Variants in IGSF9B observed in about 807,000 individuals in gnomAD.
IGSF9B encodes immunoglobulin superfamily member 9B.
Under a neutral mutation model 143.7 loss-of-function variants are expected in IGSF9B, and 48 were observed. The ratio of observed to expected loss-of-function variants is 0.33; its 90% CI spans 0.26 to 0.42. The LOEUF is 0.42. Ranked by LOEUF, IGSF9B falls within the 20% of genes least tolerant of loss-of-function variation. The pLI is 1.00. For missense variants in IGSF9B, 1,706 were observed against 1,980.0 expected (o/e 0.86, Z 2.63); for synonymous variants, 903 against 833.1 (o/e 1.08, Z -1.44).
Position 133,921,353 on chromosome 11 carries a change from C to A in IGSF9B, c.2372G>T (p.Arg791Leu). Reference sequence around the variant, plus strand: ...GTCGTCGGAGGATTCTGACGGCGCTCGGAGCGTGCGGATGCTCTCGGGGCT... The same window carrying A: ...GTCGTCGGAGGATTCTGACGGCGCTAGGAGCGTGCGGATGCTCTCGGGGCT... ...KVSPESIRTLRAPSESSDDQG... is the reference protein window; with the variant it reads ...KVSPESIRTLLAPSESSDDQG... The change falls in exon 18 of 20, where the codon CGA becomes CTA. Residue 791 changes from arginine (R) to leucine (L), a missense_variant. Arg to Leu is a moderately radical substitution (Grantham distance 102). Transcript: ENST00000533871. 1 of 1,572,056 alleles carries A rather than the reference C, an allele frequency of 6.4e-7. No homozygotes were observed.
In IGSF9B at chr11:133,924,875, G is replaced by A. The variant is rs762453893; in HGVS notation, c.2064C>T (p.Ala688=). The change falls in exon 15 of 20, where the codon GCC becomes GCT. Residue 688 remains alanine, a synonymous_variant. Transcript: ENST00000533871. ...GCTCGCTGATCAGATCCTGCATGAC[G>A]GCCAGAACCCGGAACTCATACCACG... is the stretch of plus-strand genomic sequence containing the variant. ...QDTWYEFRVL[A]VMQDLISEPS... is the part of the protein sequence containing the mutation. 39 of 1,613,736 alleles carry A rather than the reference G, an allele frequency of 2.4e-5. No homozygotes were observed. Among genetic ancestry groups the A allele is most frequent in the East Asian group, 4.5e-5 (2 of 44,880 alleles).
rs1009944388 is a variant in IGSF9B, at chr11:133,948,755, G to A, written c.65-2497C>T. On this transcript the variant is annotated intron_variant, in intron 1 of 19. Coordinates refer to ENST00000533871, the MANE Select transcript of IGSF9B (RefSeq NM_001277285.4). The surrounding 1 kb of genome is among the most constrained non-coding windows in gnomAD (Gnocchi z 4.7). ...CCCAGGTGCCAGGTTACCTGGAGGA[G>A]GGCAGAGTGGGCAACAGAAGGTGGT... Among the ~76,000 whole-genome samples, 10 of 152,090 alleles carry A rather than the reference G, an allele frequency of 6.6e-5. No individual in the cohort carries two copies. The highest frequency in any genetic ancestry group is 1.5e-4 in the Non-Finnish European group (10 of 68,018).
In IGSF9B at chr11:133,919,893, G is replaced by A. The variant is rs1939480867; in HGVS notation, c.3832C>T (p.Leu1278=). Residue 1278 remains leucine, a synonymous_variant, in exon 18 of 20, where the codon CTG becomes TTG. Coordinates refer to ENST00000533871, the MANE Select transcript of IGSF9B (RefSeq NM_001277285.4). ...SYRPAMGFTT[L]ATGYPSPPPG... is the part of the protein sequence containing the mutation. ...GGAGGGGAAGGGTAGCCGGTGGCCA[G>A]AGTGGTGAAGCCCATGGCGGGCCGG... 1 of 1,581,256 alleles carries A rather than the reference G, an allele frequency of 6.3e-7. No homozygotes were observed. Among genetic ancestry groups the A allele is most frequent in the African/African-American group, 1.4e-5 (1 of 73,930 alleles).
chr11:133,942,819 G>T (rs891617310), intron 3 of IGSF9B, among the ~76,000 whole-genome samples: 1 of 152,176 alleles, frequency 6.6e-6, no homozygotes, highest in Non-Finnish European at 1.5e-5. Flanking sequence ...ATCCCCCCAA[G>T]ATTTCAAATA....
intron 1 of IGSF9B, chr11:133,951,916 T>G (rs1031054366): frequency 2.6e-5 from 8 of 302,062 alleles, no homozygotes; most frequent in Non-Finnish European, 5.6e-5. Context: ...AGCCAGAAAA[T>G]GAAGACAGTG....
At position 133,928,101 on chromosome 11, in the gene IGSF9B, G is replaced by A. The variant is rs868194513; in HGVS notation, c.1632-1010C>T. ...ATGAGCAGCAGCGTGGAGCAGCAGC[G>A]TGAAGCAGCACCGCAAGCAGCAGGG... On this transcript the variant is annotated intron_variant, in intron 12 of 19. Coordinates refer to ENST00000533871, the MANE Select transcript of IGSF9B (RefSeq NM_001277285.4). This position sits in a 1 kb window ranked among gnomAD's most constrained non-coding sequence, Gnocchi z 4.7. Among the ~76,000 whole-genome samples, 27 of 152,134 alleles carry A rather than the reference G, an allele frequency of 1.8e-4. No individual in the cohort carries two copies. The highest frequency in any genetic ancestry group is 6.3e-4 in the African/African-American group (26 of 41,424).
At chr11:133,927,563 C>T (rs1939650114) in intron 12 of IGSF9B, among the ~76,000 whole-genome samples, 1 of 152,194 alleles carries the variant, frequency 6.6e-6, no homozygotes, top group Non-Finnish European at 1.5e-5. Context: ...GCTCATTCAT[C>T]CAATCAGACT....
chr11:133,948,763 T>C lies in IGSF9B; in HGVS notation c.65-2505A>G, dbSNP rs1344638392. On this transcript the variant is annotated intron_variant, in intron 1 of 19. Coordinates refer to ENST00000533871, the MANE Select transcript of IGSF9B (RefSeq NM_001277285.4). The surrounding 1 kb of genome is among the most constrained non-coding windows in gnomAD (Gnocchi z 4.7). ...CCAGGTTACCTGGAGGAGGGCAGAG[T>C]GGGCAACAGAAGGTGGTTCCTTCCC... Among the ~76,000 whole-genome samples, 1 of 150,808 alleles carries C rather than the reference T, an allele frequency of 6.6e-6. No individual in the cohort carries two copies. The highest frequency in any genetic ancestry group is 1.5e-5 in the Non-Finnish European group (1 of 67,770).
chr11:133,916,371 G>A (rs1939382906), intron 18 of IGSF9B, among the ~76,000 whole-genome samples: 1 of 152,212 alleles, frequency 6.6e-6, no homozygotes, highest in African/African-American at 2.4e-5. Flanking sequence ...AACGCACGTG[G>A]ACAAGAGCTG....
intron 6 of IGSF9B, 126 bp from the exon 7 acceptor site, chr11:133,935,888 TC>T (rs1228503248): frequency 7.2e-7 from 1 of 1,394,932 alleles, no homozygotes; most frequent in Non-Finnish European, 9.7e-7. Context: ...CCAGGGCCCC[TC>T]CATGCAGACC....
chr11:133,933,215 T>C (rs1230971323), intron 7 of IGSF9B, among the ~76,000 whole-genome samples: 1 of 152,188 alleles, frequency 6.6e-6, no homozygotes, highest in Non-Finnish European at 1.5e-5. Context: ...GTCCTCTCAA[T>C]GTCCATTTCT....
chr11:133,922,630 G>T lies in IGSF9B; in HGVS notation c.2220C>A (p.Phe740Leu). ...TGACAAAGCAGGCAGCCAGGGTGCTGAACAGGATGGCAGCTGCCAAGAAGC... is the reference window on the plus strand; with the variant it reads ...TGACAAAGCAGGCAGCCAGGGTGCTTAACAGGATGGCAGCTGCCAAGAAGC... ...TICFLAAAIL[F>L]STLAACFVNK... is the part of the protein sequence containing the mutation. The change falls in exon 16 of 20, where the codon TTC becomes TTA. Residue 740 changes from phenylalanine to leucine, a missense_variant. Physicochemically the swap from Phe to Leu is conservative, Grantham distance 22. Transcript: ENST00000533871. The T allele has an allele frequency of 1.9e-6, 3 of 1,605,664 alleles. No individual in the cohort carries two copies. The highest frequency in any genetic ancestry group is 2.6e-6 in the Non-Finnish European group (3 of 1,176,194).
intron 3 of IGSF9B, among the ~76,000 whole-genome samples, chr11:133,939,748 T>C (rs1293689447): frequency 2.1e-4 from 29 of 139,266 alleles, no homozygotes; most frequent in South Asian, 7.2e-4. Context: ...CGCACGTCCT[T>C]GCACGCGTCA....
At chr11:133,915,995 C>A (rs1033149996) in intron 18 of IGSF9B, among the ~76,000 whole-genome samples, 4 of 152,324 alleles carry the variant, frequency 2.6e-5, no homozygotes, top group Admixed American at 6.5e-5. Context: ...CAGACCAGTG[C>A]TCTGCCTCAG....
At position 133,907,487 on chromosome 11, in the gene IGSF9B, C is replaced by T. The variant is rs1347790500; in HGVS notation, c.*1582G>A. Among the ~76,000 whole-genome samples, 1 of 152,174 alleles carries T rather than the reference C, an allele frequency of 6.6e-6. No homozygotes were observed. Among genetic ancestry groups the T allele is most frequent in the Non-Finnish European group, 1.5e-5 (1 of 68,022 alleles). On this transcript the variant is annotated 3_prime_UTR_variant, in exon 20 of 20. Coordinates refer to ENST00000533871, the MANE Select transcript of IGSF9B (RefSeq NM_001277285.4). ...ACCAAGAAGGAAATACTTCAAGGAA[C>T]CTTCATTCTAAGCCAAGCCAGAAGG... is the stretch of plus-strand genomic sequence containing the variant.
In IGSF9B at chr11:133,920,197, C is replaced by G. The variant is rs1294057381; in HGVS notation, c.3528G>C (p.Arg1176=). The G allele has an allele frequency of 6.6e-7, 1 of 1,513,372 alleles. No homozygotes were observed. The highest frequency in any genetic ancestry group is 2.3e-5 in the Admixed American group (1 of 44,164). The allele number at this position is 1,513,372 out of a possible 1,614,324, so 93.7% of individuals were successfully genotyped here. The change falls in exon 18 of 20, where the codon CGG becomes CGC. Residue 1176 remains arginine (R), a synonymous_variant. Coordinates refer to ENST00000533871, the MANE Select transcript of IGSF9B (RefSeq NM_001277285.4). Reference sequence around the variant, plus strand: ...TGGCCTGCCGAGGGCTAGGCCGGGGCCGGGGCTGGGGCTCATACCACCGGG... The same window carrying G: ...TGGCCTGCCGAGGGCTAGGCCGGGGGCGGGGCTGGGGCTCATACCACCGGG... ...LDTRWYEPQP[R]PRPSPRQARR...
At position 133,905,278 on chromosome 11, in the gene IGSF9B, A is replaced by C. The variant is rs1939194196; in HGVS notation, c.*3791T>G. 6.6e-6 allele frequency among the ~76,000 whole-genome samples: 1 copy of C among 152,064 alleles called. No homozygotes were observed. The highest frequency in any genetic ancestry group is 1.5e-5 in the Non-Finnish European group (1 of 68,010). ...GCCTGGAAAAGGCTTTTGCTAACAAAATAGGAAGAAACAGATTCCAGCCAC... is the reference window on the plus strand; with the variant it reads ...GCCTGGAAAAGGCTTTTGCTAACAACATAGGAAGAAACAGATTCCAGCCAC... On this transcript the variant is annotated 3_prime_UTR_variant, in exon 20 of 20. Coordinates refer to ENST00000533871, the MANE Select transcript of IGSF9B (RefSeq NM_001277285.4). The surrounding 1 kb of genome is among the most constrained non-coding windows in gnomAD (Gnocchi z 4.0).
chr11:133,954,601 TA>T (rs1259181204), intron 1 of IGSF9B, among the ~76,000 whole-genome samples: 1 of 152,196 alleles, frequency 6.6e-6, no homozygotes, highest in Non-Finnish European at 1.5e-5. Context: ...CATGTCCACC[TA>T]AAAACCCTAA....
Position 133,920,885 on chromosome 11 carries a change from A to G in IGSF9B, c.2840T>C (p.Leu947Pro). ...LEGPGGLEGR[L>P]QATGQARPPA... ...GGGCCGGGCCTGGCCTGTGGCCTGA[A>G]GCCGACCTTCCAGGCCACCGGGGCC... The change falls in exon 18 of 20, where the codon CTT becomes CCT. Residue 947 changes from leucine to proline, a missense_variant. Transcript: ENST00000533871. 6.2e-7 allele frequency: 1 copy of G among 1,607,226 alleles called. No homozygotes were observed. The highest frequency in any genetic ancestry group is 8.5e-7 in the Non-Finnish European group (1 of 1,176,846).
Sources: gnomAD v4.1 joint callset for allele counts (sites outside exome capture counted in the v4.1 genomes callset) on GRCh38, gnomAD v4.1.1 for gene constraint, Gnocchi (gnomAD v3.1) non-coding constraint, MANE v1.5 for transcripts, NCBI Gene and HGNC (gene_info 2026-07-23, HGNC 2026-07-21) for gene names.